KDM4C: variants seen among roughly 807,000 people sequenced by gnomAD.
KDM4C encodes lysine demethylase 4C.
In KDM4C, 81 loss-of-function variants were observed where a neutral mutation model predicts 129.3. The ratio of observed to expected loss-of-function variants is 0.63; its 90% CI spans 0.52 to 0.75. The LOEUF is 0.75. KDM4C is among the 30% of genes least tolerant of loss of function. The pLI, the probability that KDM4C is intolerant of heterozygous loss-of-function variation, is 0.00. For synonymous variants in KDM4C, 573 were observed against 456.1 expected (o/e 1.26, Z -3.26); for missense variants, 1,457 against 1,304.0 (o/e 1.12, Z -1.81).
At chr9:6,964,405 C>A (rs1220735721) in intron 8 of KDM4C, among the ~76,000 whole-genome samples, 2 of 151,836 alleles carry the variant, frequency 1.3e-5, no homozygotes, top group Middle Eastern at 3.4e-3. Context: ...CGTGTCGCTA[C>A]AAAGGACATG....
chr9:6,839,432 G>T (rs1225553538), intron 4 of KDM4C, among the ~76,000 whole-genome samples: 2 of 146,750 alleles, frequency 1.4e-5, no homozygotes, highest in East Asian at 2.0e-4. Context: ...TAGAGATAGG[G>T]TCCCACTGTG....
intron 8 of KDM4C, among the ~76,000 whole-genome samples, chr9:6,979,418 A>G (rs1816374458): frequency 6.6e-6 from 1 of 152,148 alleles, no homozygotes; most frequent in Admixed American, 6.6e-5. Context: ...TAGGAGGAAA[A>G]TACTGAAGTA....
chr9:6,933,299 G>C (rs1824102045), intron 8 of KDM4C, among the ~76,000 whole-genome samples: 1 of 152,110 alleles, frequency 6.6e-6, no homozygotes, highest in South Asian at 2.1e-4. Flanking sequence ...AAATTCTGAA[G>C]GTGACATATT....
chr9:6,736,870 G>A (rs1468556059), intron 1 of KDM4C, among the ~76,000 whole-genome samples: 1 of 151,584 alleles, frequency 6.6e-6, no homozygotes, highest in Non-Finnish European at 1.5e-5. Context: ...GGCCACCATG[G>A]CCAAACCCCG....
intron 12 of KDM4C, among the ~76,000 whole-genome samples, chr9:7,007,930 C>G (rs1028438249): frequency 2.6e-5 from 4 of 152,158 alleles, no homozygotes; most frequent in African/African-American, 9.7e-5. Flanking sequence ...TGGAATAGGA[C>G]TTCACAGCGC....
At position 6,942,881 on chromosome 9, in the gene KDM4C, T is replaced by C. The variant is rs184060098; in HGVS notation, c.922-38044T>C. 1.8e-4 allele frequency among the ~76,000 whole-genome samples: 28 copies of C among 152,262 alleles called. No homozygotes were observed. The East Asian group carries it at 5.2e-3, about 28-fold the overall frequency. On this transcript the variant is annotated intron_variant, in intron 8 of 21. Transcript: ENST00000381309. Reference sequence around the variant, plus strand: ...TCTGTGATCAAATTTATTATTATTATTTTTTGAGACGGCTTTACTCTGTCA... The same window carrying C: ...TCTGTGATCAAATTTATTATTATTACTTTTTGAGACGGCTTTACTCTGTCA...
At chr9:7,074,970 G>T (rs76532508) in intron 17 of KDM4C, among the ~76,000 whole-genome samples, 3,211 of 152,254 alleles carry the variant, frequency 0.021, 48 homozygotes, top group Non-Finnish European at 0.033. Flanking sequence ...CCAGCGAATG[G>T]ATGATTTTCA....
At chr9:6,996,461 A>C (rs911247592) in intron 12 of KDM4C, among the ~76,000 whole-genome samples, 1 of 152,252 alleles carries the variant, frequency 6.6e-6, no homozygotes, top group Non-Finnish European at 1.5e-5. Context: ...TAAAAATGGA[A>C]AAATTGTTTT....
chr9:6,868,885 C>G (rs533253387), intron 5 of KDM4C, among the ~76,000 whole-genome samples: 4 of 151,674 alleles, frequency 2.6e-5, no homozygotes, highest in Non-Finnish European at 5.9e-5. Flanking sequence ...CCTTTTTTCT[C>G]ACGAAAAATA....
chr9:6,822,218 G>T (rs1833154141), intron 4 of KDM4C, among the ~76,000 whole-genome samples: 1 of 152,126 alleles, frequency 6.6e-6, no homozygotes. Flanking sequence ...ATATATTTGT[G>T]CACTACCGTG....
At chr9:6,978,282 T>C (rs947225975) in intron 8 of KDM4C, among the ~76,000 whole-genome samples, 3 of 152,296 alleles carry the variant, frequency 2.0e-5, no homozygotes, top group East Asian at 1.9e-4. Context: ...TCTCAGCAAA[T>C]TGATATGATG....
rs903457244 is a variant in KDM4C, at chr9:7,083,625, C to T, written c.2425-20060C>T. Among the ~76,000 whole-genome samples, 4 of 150,854 alleles carry T rather than the reference C, an allele frequency of 2.7e-5. No homozygotes were observed. The Admixed American group carries it at 2.7e-4, about 10-fold the overall frequency. On this transcript the variant is annotated intron_variant, in intron 17 of 21. Coordinates refer to ENST00000381309, the MANE Select transcript of KDM4C (RefSeq NM_015061.6). Reference sequence around the variant, plus strand: ...ATATCTAAACATAGAAAAGATATAGCCAAAATTAGGTATTACAATCTTATG... The same window carrying T: ...ATATCTAAACATAGAAAAGATATAGTCAAAATTAGGTATTACAATCTTATG...
intron 5 of KDM4C, among the ~76,000 whole-genome samples, chr9:6,869,527 G>C (rs1008895132): frequency 3.9e-5 from 6 of 152,226 alleles, no homozygotes. Context: ...GAATAATACT[G>C]CTCACAGTGG....
At chr9:7,111,681 G>A (rs1280370163) in intron 18 of KDM4C, among the ~76,000 whole-genome samples, 3 of 152,138 alleles carry the variant, frequency 2.0e-5, no homozygotes, top group African/African-American at 7.2e-5. Context: ...CAGTGTTACT[G>A]GCTCTAAGAC....
chr9:7,034,219 A>G (rs1221120421), intron 15 of KDM4C, among the ~76,000 whole-genome samples: 1 of 152,196 alleles, frequency 6.6e-6, no homozygotes, highest in Non-Finnish European at 1.5e-5. Flanking sequence ...GGGAACATGC[A>G]ATACCTCCTC....
intron 5 of KDM4C, among the ~76,000 whole-genome samples, chr9:6,850,006 A>G (rs1380699966): frequency 6.6e-6 from 1 of 152,206 alleles, no homozygotes; most frequent in Non-Finnish European, 1.5e-5. Context: ...ATGTTTAGAT[A>G]TGTTTAGCTA....
intron 1 of KDM4C, among the ~76,000 whole-genome samples, chr9:6,760,539 CTTTTTTA>C (rs976274320): frequency 7.1e-6 from 1 of 141,720 alleles, no homozygotes; most frequent in East Asian, 2.0e-4. Context: ...GGGTGATACT[CTTTTTTA>C]TTTATTTATT....
At chr9:7,075,273 T>A (rs1409907933) in intron 17 of KDM4C, among the ~76,000 whole-genome samples, 1 of 152,226 alleles carries the variant, frequency 6.6e-6, no homozygotes, top group Non-Finnish European at 1.5e-5. Context: ...TTTTTGGTTT[T>A]GTGTTTTGAA....
At chr9:6,994,256 G>T (rs779396562) in intron 12 of KDM4C, among the ~76,000 whole-genome samples, 11 of 152,100 alleles carry the variant, frequency 7.2e-5, no homozygotes, top group Middle Eastern at 3.2e-3. Context: ...CCACGGACTG[G>T]TACTATTCTA....
Sources: gnomAD v4.1 joint callset for allele counts (sites outside exome capture counted in the v4.1 genomes callset) on GRCh38, gnomAD v4.1.1 for gene constraint, MANE v1.5 for transcripts, NCBI Gene and HGNC (gene_info 2026-07-23, HGNC 2026-07-21) for gene names.